The following TTN variants were observed in gnomAD, a reference collection of about 807,000 sequenced individuals.
TTN encodes the protein titin.
Under a neutral mutation model 3,223.0 loss-of-function variants are expected in TTN, and 1,525 were observed. That is an observed-to-expected ratio of 0.47 (90% CI 0.45 to 0.49). TTN has a LOEUF of 0.49. Among genes scored for constraint, TTN ranks in the 20% least tolerant of loss-of-function variants. The pLI is 0.00. For synonymous variants in TTN, 14,094 were observed against 15,161.0 expected (o/e 0.93, Z 5.17); for missense variants, 40,786 against 43,424.0 (o/e 0.94, Z 5.40).
chr2:178,798,451 C>A (rs1048466680), intron 6 of TTN: 1 of 152,062 alleles, frequency 6.6e-6, no homozygotes, highest in Non-Finnish European at 1.5e-5. Context: ...ATTAAGTAAG[C>A]ATAGAAGTCC....
rs1338687639 is a variant in TTN, at chr2:178,595,779, A to G, written c.57575T>C (p.Leu19192Pro). 3 of 1,607,206 alleles carry G rather than the reference A, an allele frequency of 1.9e-6. No individual in the cohort carries two copies. Among genetic ancestry groups the G allele is most frequent in the Non-Finnish European group, 2.5e-6 (3 of 1,176,896 alleles). ...DVPGPVGTPF[L>P]AHNLTNESCK... ...GGACTCATTGGTTAGGTTGTGAGCT[A>G]GGAATGGTGTTCCAACGGGACCTGG... The change falls in exon 295 of 363, where the codon CTA becomes CCA. Residue 19192 changes from leucine (L) to proline (P), a missense_variant. By Grantham distance (98) the Leu-to-Pro change is moderately conservative. Coordinates refer to ENST00000589042, the MANE Select transcript of TTN (RefSeq NM_001267550.2).
In TTN at chr2:178,587,196, T is replaced by G; in HGVS notation, c.64015A>C (p.Arg21339=). Residue 21339 remains arginine (R), a synonymous_variant, in exon 307 of 363, where the codon AGA becomes CGA. Transcript: ENST00000589042. ...CCATATTCGTTGACAGCAGTTACTCTGAAGTAATACTCATTCCCAGGGACA... is the reference window on the plus strand; with the variant it reads ...CCATATTCGTTGACAGCAGTTACTCGGAAGTAATACTCATTCCCAGGGACA... The part of the protein sequence containing the change: ...NLVPGNEYYF[R]VTAVNEYGPG... 6.2e-7 allele frequency: 1 copy of G among 1,613,336 alleles called. No individual in the cohort carries two copies. The highest frequency in any genetic ancestry group is 8.5e-7 in the Non-Finnish European group (1 of 1,179,480).
rs1184043723 is a variant in TTN, at chr2:178,560,968, T to C, written c.85164A>G (p.Val28388=). ...CTATACCATCCTTGGCCCAGGAAATTACTGGCAGAGGTCGCCCTGCAATGT... is the reference window on the plus strand; with the variant it reads ...CTATACCATCCTTGGCCCAGGAAATCACTGGCAGAGGTCGCCCTGCAATGT... ...NADIAGRPLP[V]ISWAKDGIEI... is the part of the protein sequence containing the mutation. The change falls in exon 326 of 363, where the codon GTA becomes GTG. Residue 28388 remains valine (V), a synonymous_variant. Coordinates refer to ENST00000589042, the MANE Select transcript of TTN (RefSeq NM_001267550.2). The C allele has an allele frequency of 6.2e-7, 1 of 1,613,744 alleles. No individual in the cohort carries two copies. The highest frequency in any genetic ancestry group is 1.3e-5 in the African/African-American group (1 of 74,930).
rs3835071 is a variant in TTN at position 178,617,582 on chromosome 2, CAATT to C, written c.47573-74_47573-71del. The stretch of plus-strand genomic sequence containing the variant: ...CAATTTATGAAAACAGTGTTGTAAT[CAATT>C]ATATCATCCTCATTAACAGGTTTAT... On this transcript the variant is annotated intron_variant, in intron 253 of 362. Transcript: ENST00000589042. 35,779 of 1,452,568 alleles carry C rather than the reference CAATT, an allele frequency of 0.025. 1,201 individuals carry two copies. Among genetic ancestry groups the C allele is most frequent in the East Asian group, 0.13 (5,514 of 41,032 alleles). The allele number at this position is 1,452,568 out of a possible 1,614,324, so 90.0% of individuals were successfully genotyped here. A position where few individuals can be genotyped will look rare whatever the true frequency, so the allele number is the denominator to read the frequency against.
In TTN at chr2:178,553,609, T is replaced by C; in HGVS notation, c.89396A>G (p.Asn29799Ser). 1 of 1,613,896 alleles carries C rather than the reference T, an allele frequency of 6.2e-7. No individual in the cohort carries two copies. The highest frequency in any genetic ancestry group is 1.1e-5 in the South Asian group (1 of 91,076). ...EVRTTEYVVS[N>S]LKPGVNYYFR... ...GTAGTAATTGACTCCAGGTTTCAGG[T>C]TGGATACCACATATTCTGTAGTTCT... The change falls in exon 334 of 363, where the codon AAC becomes AGC. Residue 29799 changes from asparagine (N) to serine (S), a missense_variant. Physicochemically the swap from Asn to Ser is conservative, Grantham distance 46. Transcript: ENST00000589042.
intron 168 of TTN, 129 bp from the exon 169 acceptor site, chr2:178,664,227 A>G (rs949170923): frequency 1.0e-5 from 10 of 965,948 alleles, no homozygotes; most frequent in African/African-American, 1.7e-5. Flanking sequence ...AGTTCCCATA[A>G]TAGGTGGTGT....
In TTN at chr2:178,547,111, C is replaced by T. The variant is rs1331080177; in HGVS notation, c.94414G>A (p.Gly31472Ser). 1.9e-6 allele frequency: 3 copies of T among 1,613,780 alleles called. No individual in the cohort carries two copies. Among genetic ancestry groups the T allele is most frequent in the South Asian group, 2.2e-5 (2 of 91,080 alleles). Residue 31472 changes from glycine (G) to serine (S), a missense_variant, in exon 340 of 363, where the codon GGT becomes AGT. Gly to Ser is a moderately conservative substitution (Grantham distance 56). Coordinates refer to ENST00000589042, the MANE Select transcript of TTN (RefSeq NM_001267550.2). ...PCLECNYKVTGLVEGLEYQFR... is the reference protein window; with the variant it reads ...PCLECNYKVTSLVEGLEYQFR... ...TGATATTCCAGTCCTTCTACTAAAC[C>T]AGTTACTTTGTAGTTGCACTCTAAG...
chr2:178,538,146 A>C (rs1280297892), intron 354 of TTN: 5 of 550,764 alleles, frequency 9.1e-6, no homozygotes, highest in Non-Finnish European at 1.6e-5. Context: ...TCTCTTTATG[A>C]TTGGAAGGGG....
intron 42 of TTN, 55 bp downstream of exon 42, chr2:178,764,472 C>T: frequency 6.2e-7 from 1 of 1,613,064 alleles, no homozygotes; most frequent in Non-Finnish European, 8.5e-7. Flanking sequence ...TGGGAAAGGA[C>T]AAAAGCCTGC....
chr2:178,667,094 T>A, intron 162 of TTN, 142 bp downstream of exon 162: 2 of 926,600 alleles, frequency 2.2e-6, no homozygotes, highest in Non-Finnish European at 1.6e-6. Context: ...CATAGGTCAT[T>A]CTTTGTTGTG....
At position 178,609,469 on chromosome 2, in the gene TTN, A is replaced by C; in HGVS notation, c.51841T>G (p.Trp17281Gly). 1 of 1,612,368 alleles carries C rather than the reference A, an allele frequency of 6.2e-7. No individual in the cohort carries two copies. Among genetic ancestry groups the C allele is most frequent in the Non-Finnish European group, 8.5e-7 (1 of 1,179,126 alleles). Residue 17281 changes from tryptophan to glycine, a missense_variant, in exon 273 of 363, where the codon TGG (tryptophan) becomes GGG (glycine). Physicochemically the swap from Trp to Gly is radical, Grantham distance 184. Transcript: ENST00000589042. ...ACAATAACATTTTCATCCTTTATCC[A>C]TGTAATAGTTGGGTAAGGTGATCCA... ...ISGSPYPTIT[W>G]IKDENVIVPE...
In TTN at chr2:178,561,105, T is replaced by A. The variant is rs1703488961; in HGVS notation, c.85027A>T (p.Thr28343Ser). The change falls in exon 326 of 363, where the codon ACT (threonine) becomes TCT (serine). Residue 28343 changes from threonine (T) to serine (S), a missense_variant. Transcript: ENST00000589042. ...TCATCTTTAACTATAATAGGCCCAGTGGATTCAGATGGCTCACTAACTGAG... is the reference window on the plus strand; with the variant it reads ...TCATCTTTAACTATAATAGGCCCAGAGGATTCAGATGGCTCACTAACTGAG... ...ADSVSEPSES[T>S]GPIIVKDDVE... The A allele has an allele frequency of 6.2e-7, 1 of 1,613,860 alleles. No individual in the cohort carries two copies. Among genetic ancestry groups the A allele is most frequent in the Non-Finnish European group, 8.5e-7 (1 of 1,179,820 alleles).
intron 99 of TTN, 56 bp from the exon 100 acceptor site, chr2:178,707,869 C>T: frequency 6.6e-7 from 1 of 1,512,562 alleles, no homozygotes; most frequent in South Asian, 1.4e-5. Flanking sequence ...GTATTAAATT[C>T]CACAAGAGAA....
At position 178,584,791 on chromosome 2, in the gene TTN, G is replaced by A. The variant is rs1455243319; in HGVS notation, c.64850C>T (p.Thr21617Ile). 6.2e-7 allele frequency: 1 copy of A among 1,613,350 alleles called. No individual in the cohort carries two copies. The highest frequency in any genetic ancestry group is 8.5e-7 in the Non-Finnish European group (1 of 1,179,564). Residue 21617 changes from threonine (T) to isoleucine (I), a missense_variant, in exon 310 of 363, where the codon ACT becomes ATT. Coordinates refer to ENST00000589042, the MANE Select transcript of TTN (RefSeq NM_001267550.2). ...GATCAGCTTTCCAACCCTGCAGGAA[G>A]TTTTTGTGACTGAAGCTAGAGCCGT... is the stretch of plus-strand genomic sequence containing the variant. ...WVTALASVTK[T>I]SCRVGKLIPG...
chr2:178,666,838 GT>G lies in TTN; in HGVS notation c.35860del (p.Thr11954HisfsTer16). 1 of 1,569,386 alleles carries G rather than the reference GT, an allele frequency of 6.4e-7. No homozygotes were observed. The highest frequency in any genetic ancestry group is 8.6e-7 in the Non-Finnish European group (1 of 1,156,594). ...CCAACTTGTACCTGTTGGTGATGGT[GT>G]TTTTCTTCTTTTAACAATAGGAGTT... ...GETPIVKRRK[T>X]PSPTVPESPR... is the part of the protein sequence containing the mutation. On this transcript the variant is annotated frameshift_variant, in exon 163 of 363. Transcript: ENST00000589042. LOFTEE classifies it high-confidence loss of function.
At chr2:178,536,726 A>G (rs1691686615) in intron 356 of TTN, among the ~76,000 whole-genome samples, 151 bp from the exon 357 acceptor site, 1 of 152,236 alleles carries the variant, frequency 6.6e-6, no homozygotes, top group Non-Finnish European at 1.5e-5. Context: ...ATACTAAGAC[A>G]TATCAAAAAC....
In TTN at chr2:178,799,758, G is replaced by A. The variant is rs747342322; in HGVS notation, c.670-27C>T. 5.6e-6 allele frequency: 9 copies of A among 1,614,058 alleles called. 1 individual carries two copies. Among genetic ancestry groups the A allele is most frequent in the Middle Eastern group, 3.3e-4 (2 of 6,084 alleles). On this transcript the variant is annotated intron_variant, in intron 5 of 362. Coordinates refer to ENST00000589042, the MANE Select transcript of TTN (RefSeq NM_001267550.2). ...TGTAAAAGATTAAAACAAAGCCCAC[G>A]TTGAGGAGGAATAGCTGGGGACGCA...
At position 178,552,780 on chromosome 2, in the gene TTN, T is replaced by A; in HGVS notation, c.90120A>T (p.Lys30040Asn). Residue 30040 changes from lysine (K) to asparagine (N), a missense_variant, in exon 335 of 363, where the codon AAA (lysine) becomes AAT (asparagine). By Grantham distance (94) the Lys-to-Asn change is moderately conservative. Transcript: ENST00000589042. ...GGATGACAGATGTCTTTGTTGAGTC[T>A]TTCATTGAGAGATCACGTATAGGAG... ...VPAPIRDLSM[K>N]DSTKTSVILS... 6.2e-7 allele frequency: 1 copy of A among 1,613,926 alleles called. No homozygotes were observed. The highest frequency in any genetic ancestry group is 8.5e-7 in the Non-Finnish European group (1 of 1,179,822).
Position 178,548,102 on chromosome 2 carries a change from C to T in TTN, c.93524G>A (p.Arg31175His), listed in dbSNP as rs72648251. The change falls in exon 339 of 363, where the codon CGT (arginine) becomes CAT (histidine). Residue 31175 changes from arginine to histidine, a missense_variant. Arg to His is a conservative substitution (Grantham distance 29). Coordinates refer to ENST00000589042, the MANE Select transcript of TTN (RefSeq NM_001267550.2). The surrounding 1 kb of genome is among the most constrained non-coding windows in gnomAD (Gnocchi z 4.3). ...TTCATATTCAGTTTTCTCAACAAGA[C>T]GCTCTACTGTGAAAGTTAGCTGTTT... Reference protein sequence around the residue: ...HTKQLTFTVERLVEKTEYEFR... With the variant: ...HTKQLTFTVEHLVEKTEYEFR... The T allele has an allele frequency of 4.4e-4, 713 of 1,613,734 alleles. No individual in the cohort carries two copies. Among genetic ancestry groups the T allele is most frequent in the Non-Finnish European group, 5.3e-4 (625 of 1,179,792 alleles).
Sources: gnomAD v4.1 joint callset for allele counts (sites outside exome capture counted in the v4.1 genomes callset) on GRCh38, gnomAD v4.1.1 for gene constraint, Gnocchi (gnomAD v3.1) non-coding constraint, MANE v1.5 for transcripts, NCBI Gene and HGNC (gene_info 2026-07-23, HGNC 2026-07-21) for gene names.